AACS: variants seen among roughly 807,000 people sequenced by gnomAD.
AACS encodes acetoacetyl-CoA synthetase, also known as acetoacetate-CoA ligase.
AACS carries 69 observed loss-of-function variants against 83.1 expected under a neutral mutation model. The ratio of observed to expected loss-of-function variants is 0.83; its 90% CI spans 0.68 to 1.01. AACS has a LOEUF of 1.01. Among genes scored for constraint, AACS ranks in the 50% least tolerant of loss-of-function variants. AACS has a pLI of 0.00. For synonymous variants in AACS, 333 were observed against 343.4 expected (o/e 0.97, Z 0.33); for missense variants, 866 against 882.2 (o/e 0.98, Z 0.23).
intron 8 of AACS, 57 bp downstream of exon 8, chr12:125,107,325 G>A (rs953921534): frequency 2.1e-5 from 34 of 1,591,828 alleles, no homozygotes; most frequent in Admixed American, 3.4e-5. Context: ...CTTCAACAGG[G>A]CCTCCCAGCT....
chr12:125,118,788 C>CAA, intron 10 of AACS, 23 bp downstream of exon 10: 1 of 1,613,054 alleles, frequency 6.2e-7, no homozygotes. Flanking sequence ...ATGCTGTGCT[C>CAA]AAAGCAAGGG....
At chr12:125,122,637 C>G (rs1365139010) in intron 10 of AACS, 3 of 111,124 alleles carry the variant, frequency 2.7e-5, no homozygotes, top group Non-Finnish European at 5.2e-5. Context: ...AGAGAGACTC[C>G]ATCTCAAAAA....
intron 3 of AACS, among the ~76,000 whole-genome samples, chr12:125,084,847 G>A (rs1366753804): frequency 2.0e-5 from 3 of 152,076 alleles, no homozygotes; most frequent in Non-Finnish European, 4.4e-5. Context: ...CTCCCAAAGC[G>A]CTGGCATTAC....
chr12:125,102,690 C>T lies in AACS; in HGVS notation c.582C>T (p.Asp194=), dbSNP rs866707313. ...CCTCCTGCTTTCAGGGTGTGCTGGA[C>T]CGGTTTTCTCAAATTCAGCCAAAGC... is the stretch of plus-strand genomic sequence containing the variant. ...SPDFGVNGVL[D]RFSQIQPKLI... Residue 194 remains aspartate, a synonymous_variant, in exon 6 of 18, where the codon GAC becomes GAT. Coordinates refer to ENST00000316519, the MANE Select transcript of AACS (RefSeq NM_023928.5). 1.6e-5 allele frequency: 26 copies of T among 1,613,954 alleles called. No individual in the cohort carries two copies. In the Middle Eastern group the frequency reaches 2.5e-3, roughly 154 times the overall value.
Position 125,134,198 on chromosome 12 carries a change from A to G in AACS, c.1619+126A>G, listed in dbSNP as rs112354756. On this transcript the variant is annotated intron_variant, in intron 15 of 17. Transcript: ENST00000316519. ...CCTGGGCACCTCACTCCACTCCAGCACCAGGGTGTCCACACCACCCACACC... is the reference window on the plus strand; with the variant it reads ...CCTGGGCACCTCACTCCACTCCAGCGCCAGGGTGTCCACACCACCCACACC... 7,545 of 1,011,060 alleles carry G rather than the reference A, an allele frequency of 7.5e-3. 346 individuals carry two copies. The African/African-American group carries it at 0.1, about 14-fold the overall frequency. The allele number at this position is 1,011,060 out of a possible 1,614,324, so 62.6% of individuals were successfully genotyped here.
intron 8 of AACS, among the ~76,000 whole-genome samples, chr12:125,110,293 C>T (rs1191628214): frequency 6.6e-6 from 1 of 150,596 alleles, no homozygotes; most frequent in Non-Finnish European, 1.5e-5. Context: ...GGCTGGTCTC[C>T]AACTCCTGAC....
At chr12:125,085,392 TC>T (rs1956311174) in intron 3 of AACS, among the ~76,000 whole-genome samples, 2 of 152,212 alleles carry the variant, frequency 1.3e-5, no homozygotes, top group South Asian at 4.1e-4. Flanking sequence ...CACATCTGTT[TC>T]GTGGAACCAC....
intron 5 of AACS, among the ~76,000 whole-genome samples, chr12:125,093,852 C>T (rs1956544961): frequency 6.6e-6 from 1 of 152,198 alleles, no homozygotes; most frequent in Non-Finnish European, 1.5e-5. Context: ...GAACTGAGAT[C>T]CAGCCGGTTG....
chr12:125,106,989 C>A (rs1956846701), intron 7 of AACS, 132 bp from the exon 8 acceptor site: 4 of 1,336,808 alleles, frequency 3.0e-6, no homozygotes, highest in Non-Finnish European at 4.1e-6. Flanking sequence ...GTTTCCAAAT[C>A]TGGCCACCGT....
intron 16 of AACS, among the ~76,000 whole-genome samples, chr12:125,135,509 G>T (rs978542346): frequency 6.6e-6 from 1 of 152,122 alleles, no homozygotes; most frequent in Non-Finnish European, 1.5e-5. Context: ...TAGGCCTGTG[G>T]ATCTCACAAC....
chr12:125,135,664 A>C (rs905320347), intron 16 of AACS: 1 of 152,286 alleles, frequency 6.6e-6, no homozygotes, highest in Non-Finnish European at 1.5e-5. Context: ...TTGTGTGGCC[A>C]GGGTAGAGAA....
intron 7 of AACS, among the ~76,000 whole-genome samples, chr12:125,104,005 AAAAAAAAAAAAAAAG>A (rs1439419598): frequency 7.2e-6 from 1 of 138,910 alleles, no homozygotes; most frequent in Non-Finnish European, 1.5e-5. Flanking sequence ...AAAAAAAAAA[AAAAAAAAAAAAAAAG>A]AATCTTCATT....
chr12:125,092,042 C>T (rs534385319), intron 5 of AACS, among the ~76,000 whole-genome samples: 13 of 152,312 alleles, frequency 8.5e-5, no homozygotes, highest in Admixed American at 2.0e-4. Flanking sequence ...TCCAGCTGCC[C>T]AGAGTGGCCC....
Position 125,103,848 on chromosome 12 carries a change from T to G in AACS, c.767+767T>G, listed in dbSNP as rs12321798. The stretch of plus-strand genomic sequence containing the variant: ...CTAGAAATACAAAAAATTAGCCAGG[T>G]GTGGTGGCGGGCACCTGTAGTCCCA... On this transcript the variant is annotated intron_variant, in intron 7 of 17. Coordinates refer to ENST00000316519, the MANE Select transcript of AACS (RefSeq NM_023928.5). Among the ~76,000 whole-genome samples, 709 of 150,966 alleles carry G rather than the reference T, an allele frequency of 4.7e-3. 3 individuals are homozygous for G. The highest frequency in any genetic ancestry group is 8.4e-3 in the Non-Finnish European group (572 of 67,710).
chr12:125,129,598 C>G lies in AACS; in HGVS notation c.1549+138C>G, dbSNP rs1031949304. The G allele has an allele frequency of 1.5e-5, 17 of 1,115,852 alleles. No individual in the cohort carries two copies. In the African/African-American group the frequency reaches 2.1e-4, roughly 14 times the overall value. The allele number at this position is 1,115,852 out of a possible 1,614,324, so 69.1% of individuals were successfully genotyped here. A position where few individuals can be genotyped will look rare whatever the true frequency, so the allele number is the denominator to read the frequency against. ...GAGAAGCTGCTTATAGTTCATTCCG[C>G]CAGTGGGGGGATAATGAATTTTTGA... On this transcript the variant is annotated intron_variant, in intron 14 of 17. Coordinates refer to ENST00000316519, the MANE Select transcript of AACS (RefSeq NM_023928.5). This position sits in a 1 kb window ranked among gnomAD's most constrained non-coding sequence, Gnocchi z 4.3.
chr12:125,136,954 G>A, intron 17 of AACS, 90 bp downstream of exon 17: 1 of 1,363,360 alleles, frequency 7.3e-7, no homozygotes, highest in Non-Finnish European at 1.0e-6. Flanking sequence ...CAGCTTGCCG[G>A]TGCTTTATAT....
In AACS at chr12:125,065,451, C is replaced by T. The variant is rs906820161; in HGVS notation, c.-134C>T. 6 of 1,010,746 alleles carry T rather than the reference C, an allele frequency of 5.9e-6. No individual in the cohort carries two copies. Among genetic ancestry groups the T allele is most frequent in the Non-Finnish European group, 6.6e-6 (5 of 753,482 alleles). 62.6% of individuals were successfully genotyped at this position (1,010,746 alleles called of 1,614,324 possible). A position where few individuals can be genotyped will look rare whatever the true frequency, so the allele number is the denominator to read the frequency against. On this transcript the variant is annotated 5_prime_UTR_variant, in exon 1 of 18. Transcript: ENST00000316519. ...CGGCCGTTCAGTCCCTTGTTCCCCG[C>T]CGCCGCCGTCGCTGACCCAGCCCGC...
chr12:125,117,437 A>G (rs1373237232), intron 9 of AACS: 2 of 151,984 alleles, frequency 1.3e-5, no homozygotes, highest in African/African-American at 2.4e-5. Context: ...ATGTTTCTCC[A>G]TAGAGACCAG....
intron 4 of AACS, among the ~76,000 whole-genome samples, chr12:125,088,224 CT>C (rs57107480): frequency 0.044 from 5,846 of 131,452 alleles, 85 homozygotes; most frequent in East Asian, 0.1. Flanking sequence ...TCAGAGCAGA[CT>C]TTTTTTTTTT....
Sources: allele counts gnomAD v4.1 joint callset (sites outside exome capture counted in the v4.1 genomes callset), GRCh38; gene constraint gnomAD v4.1.1; non-coding constraint Gnocchi (gnomAD v3.1); transcripts MANE v1.5; gene names NCBI Gene and HGNC (gene_info 2026-07-23, HGNC 2026-07-21).